The following OR4A15 variants were observed in gnomAD, a reference collection of about 807,000 sequenced individuals.
OR4A15 encodes the protein olfactory receptor family 4 subfamily A member 15, also known as olfactory receptor 4A15.
For missense variants in OR4A15, 657 were observed against 374.7 expected, an observed-to-expected ratio of 1.75 and a Z score of -6.22; for synonymous variants, 240 against 135.6, an observed-to-expected ratio of 1.77 and a Z score of -5.35.
exon 1 of OR4A15, chr11:55,368,605 C>T: frequency 1.2e-6 from 2 of 1,613,732 alleles, no homozygotes; most frequent in Non-Finnish European, 1.7e-6. Flanking sequence ...ACCTTCTTCA[C>T]TATCCTGCTT....
At chr11:55,368,315 G>A (rs1244469399) in exon 1 of OR4A15, 4 of 1,613,652 alleles carry the variant, frequency 2.5e-6, no homozygotes, top group African/African-American at 1.3e-5. Context: ...TTCTTCTGGT[G>A]GTAATGGCCT....
At chr11:55,368,775 T>C in exon 1 of OR4A15, 1 of 1,613,764 alleles carries the variant, frequency 6.2e-7, no homozygotes, top group Non-Finnish European at 8.5e-7. Context: ...CATTGATAAA[T>C]CCATGACTGT....
chr11:55,368,715 TTC>T lies in OR4A15; in HGVS notation c.744_745del (p.Phe249CysfsTer17). ...ATCCCACGTCACTGTGGTCATTTTATTCTTTGTCCCCTGTATCTTCTTGTATG... is the reference window on the plus strand; with the variant it reads ...ATCCCACGTCACTGTGGTCATTTTATTTTGTCCCCTGTATCTTCTTGTATG... On this transcript the variant is annotated frameshift_variant, in exon 1 of 1. Coordinates refer to ENST00000641526, the Ensembl canonical transcript of OR4A15. LOFTEE classifies it low-confidence loss of function (END_TRUNC). 1 of 1,613,810 alleles carries T rather than the reference TTC, an allele frequency of 6.2e-7. No homozygotes were observed. Among genetic ancestry groups the T allele is most frequent in the Non-Finnish European group, 8.5e-7 (1 of 1,179,814 alleles).
chr11:55,368,209 TG>T lies in OR4A15; in HGVS notation c.237del (p.Met79IlefsTer37), dbSNP rs373493945. ...TATTCTACTGCATTTGCTCCCAAAA[TG>T]ATTGTTGACTTGCTCTCTGAGAAAA... On this transcript the variant is annotated frameshift_variant, in exon 1 of 1. Transcript: ENST00000641526. LOFTEE classifies it low-confidence loss of function (END_TRUNC). The T allele has an allele frequency of 8.2e-5, 133 of 1,613,792 alleles. No individual in the cohort carries two copies. In the East Asian group the frequency reaches 2.0e-3, roughly 24 times the overall value.
chr11:55,368,581 C>A lies in OR4A15; in HGVS notation c.608C>A (p.Ala203Glu), dbSNP rs769430856. The A allele has an allele frequency of 1.9e-6, 3 of 1,613,376 alleles. No individual in the cohort carries two copies. The East Asian group carries it at 6.7e-5, about 36-fold the overall frequency. The change falls in exon 1 of 1, where the codon GCG becomes GAG. Residue 203 changes from alanine to glutamate, a missense_variant. Ala to Glu is a moderately radical substitution (Grantham distance 107). Transcript: ENST00000641526. ...CTTTCTATGATAGCTAATGGAGGAG[C>A]GATTTGTGCTGTCACCTTCTTCACT...
chr11:55,368,263 C>T (rs1046560024), exon 1 of OR4A15: 1 of 1,613,722 alleles, frequency 6.2e-7, no homozygotes, highest in African/African-American at 1.3e-5. Context: ...GGTTGTATGG[C>T]TCAACTTTTT....
Position 55,368,895 on chromosome 11 carries a change from G to A in OR4A15, c.922G>A (p.Gly308Arg), listed in dbSNP as rs1366841419. The A allele has an allele frequency of 1.1e-5, 18 of 1,604,240 alleles. No homozygotes were observed. The highest frequency in any genetic ancestry group is 1.4e-5 in the Non-Finnish European group (17 of 1,175,730). ...TTGGAGTAAAAAAGTAAGCTTAGCT[G>A]GGAAATGGCTGTATCACTCATGAGA... is the stretch of plus-strand genomic sequence containing the variant. Residue 308 changes from glycine to arginine, a missense_variant, in exon 1 of 1, where the codon GGG (glycine) becomes AGG (arginine). Transcript: ENST00000641526.
exon 1 of OR4A15, chr11:55,368,718 T>A (rs1853892833): frequency 6.2e-7 from 1 of 1,613,660 alleles, no homozygotes; most frequent in Non-Finnish European, 8.5e-7. Context: ...CATTTTATTC[T>A]TTGTCCCCTG....
In OR4A15 at chr11:55,368,148, T is replaced by A. The variant is rs749271641; in HGVS notation, c.175T>A (p.Phe59Ile). The change falls in exon 1 of 1, where the codon TTT becomes ATT. Residue 59 changes from phenylalanine (F) to isoleucine (I), a missense_variant. By Grantham distance (21) the Phe-to-Ile change is conservative (BLOSUM62 0). Transcript: ENST00000641526. ...CCAGTCCCTGGGTTCCCCCATGTACTTTTTTCTGGCTTCTTTATCATTCAT... is the reference window on the plus strand; with the variant it reads ...CCAGTCCCTGGGTTCCCCCATGTACATTTTTCTGGCTTCTTTATCATTCAT... The A allele has an allele frequency of 5.6e-6, 9 of 1,612,740 alleles. No individual in the cohort carries two copies. The Admixed American group carries it at 1.5e-4, about 27-fold the overall frequency.
At chr11:55,368,746 G>A (rs1316461406) in exon 1 of OR4A15, 8 of 1,613,606 alleles carry the variant, frequency 5.0e-6, no homozygotes, top group Admixed American at 1.7e-5. Flanking sequence ...TTGTATGCAA[G>A]GCCCAATTCT....
rs555733186 is a variant in OR4A15, at chr11:55,368,024, G to A, written c.51G>A (p.Gln17=). 5.0e-6 allele frequency: 8 copies of A among 1,613,498 alleles called. No homozygotes were observed. The South Asian group carries it at 7.7e-5, about 16-fold the overall frequency. ...AATTTATCCTCTTAGGGCTCACACAGAACCCTGAGGGGCAAAAGGTTTTAT... is the reference window on the plus strand; with the variant it reads ...AATTTATCCTCTTAGGGCTCACACAAAACCCTGAGGGGCAAAAGGTTTTAT... Residue 17 remains glutamine, a synonymous_variant, in exon 1 of 1, where the codon CAG becomes CAA. Transcript: ENST00000641526.
chr11:55,368,180 C>T (rs777144642), exon 1 of OR4A15: 42 of 1,613,226 alleles, frequency 2.6e-5, no homozygotes, highest in East Asian at 6.7e-5. Context: ...TCATAGATAC[C>T]GTCTATTCTA....
exon 1 of OR4A15, chr11:55,368,730 A>T: frequency 1.2e-6 from 2 of 1,613,674 alleles, no homozygotes; most frequent in Non-Finnish European, 8.5e-7. Context: ...TGTCCCCTGT[A>T]TCTTCTTGTA....
At chr11:55,368,787 G>A in exon 1 of OR4A15, 2 of 1,613,626 alleles carry the variant, frequency 1.2e-6, no homozygotes, top group Non-Finnish European at 1.7e-6. Context: ...CATGACTGTA[G>A]TTCTAACTTT....
At chr11:55,368,103 A>T (rs373259869) in exon 1 of OR4A15, 5 of 1,613,078 alleles carry the variant, frequency 3.1e-6, no homozygotes, top group Non-Finnish European at 4.2e-6. Context: ...CCTGCTTATC[A>T]TAGTGACCAT....
At position 55,368,254 on chromosome 11, in the gene OR4A15, G is replaced by A. The variant is rs368367281; in HGVS notation, c.281G>A (p.Gly94Asp). Residue 94 changes from glycine to aspartate, a missense_variant, in exon 1 of 1, where the codon GGT becomes GAT. Physicochemically the swap from Gly to Asp is moderately conservative, Grantham distance 94. Coordinates refer to ENST00000641526, the Ensembl canonical transcript of OR4A15. Reference sequence around the variant, plus strand: ...GAGAAAAAGACCATTTCCTTTCAGGGTTGTATGGCTCAACTTTTTATGGAT... The same window carrying A: ...GAGAAAAAGACCATTTCCTTTCAGGATTGTATGGCTCAACTTTTTATGGAT... 2.7e-5 allele frequency: 44 copies of A among 1,613,806 alleles called. 1 individual carries two copies. The African/African-American group carries it at 5.2e-4, about 19-fold the overall frequency.
rs1565113258 is a variant in OR4A15, at chr11:55,368,882, AG to A, written c.910del (p.Val304Ter). ...CCATGAGGAAACTTTGGAGTAAAAA[AG>A]TAAGCTTAGCTGGGAAATGGCTGTA... On this transcript the variant is annotated frameshift_variant, in exon 1 of 1. Transcript: ENST00000641526. LOFTEE classifies it low-confidence loss of function (END_TRUNC). The A allele has an allele frequency of 3.7e-6, 6 of 1,608,496 alleles. No individual in the cohort carries two copies. In the East Asian group the frequency reaches 6.7e-5, roughly 18 times the overall value.
chr11:55,368,782 C>A (rs201032145), exon 1 of OR4A15: 2 of 1,613,642 alleles, frequency 1.2e-6, no homozygotes, highest in East Asian at 4.5e-5. Context: ...AAATCCATGA[C>A]TGTAGTTCTA....
In OR4A15 at chr11:55,368,697, G is replaced by A. The variant is rs147718236; in HGVS notation, c.724G>A (p.Val242Ile). 173 of 1,613,564 alleles carry A rather than the reference G, an allele frequency of 1.1e-4. 1 individual carries two copies. In the African/African-American group the frequency reaches 1.4e-3, roughly 13 times the overall value. The change falls in exon 1 of 1, where the codon GTC becomes ATC. Residue 242 changes from valine to isoleucine, a missense_variant. Coordinates refer to ENST00000641526, the Ensembl canonical transcript of OR4A15. ...AGCTTTCTACACCTGTGCATCCCAC[G>A]TCACTGTGGTCATTTTATTCTTTGT...
Sources: gnomAD v4.1 joint callset for allele counts on GRCh38, gnomAD v4.1.1 for gene constraint, MANE v1.5 for transcripts, NCBI Gene and HGNC (gene_info 2026-07-23, HGNC 2026-07-21) for gene names.